The following PARD3B variants were observed in gnomAD, a reference collection of about 807,000 sequenced individuals.
The protein encoded by PARD3B is partitioning defective 3 homolog B.
In PARD3B, 103 loss-of-function variants were observed where a neutral mutation model predicts 130.2. The observed-to-expected ratio is 0.79, with a 90% CI of 0.67 to 0.93. The LOEUF (loss-of-function observed/expected upper bound fraction) is 0.93, where lower values mean the gene tolerates loss of function less well. Ranked by LOEUF, PARD3B falls within the 40% of genes least tolerant of loss-of-function variation. The probability of loss-of-function intolerance (pLI) is 0.00; values close to 1 mark genes in which losing one functional copy is unlikely to be tolerated. For missense variants in PARD3B, 1,609 were observed against 1,499.2 expected (o/e 1.07, Z -1.21); for synonymous variants, 583 against 553.2 (o/e 1.05, Z -0.76).
At position 205,011,917 on chromosome 2, in the gene PARD3B, G is replaced by A. The variant is rs998456494; in HGVS notation, c.395-35664G>A. On this transcript the variant is annotated intron_variant, in intron 3 of 22. Coordinates refer to ENST00000406610, the MANE Select transcript of PARD3B (RefSeq NM_001302769.2). The surrounding 1 kb of genome is among the most constrained non-coding windows in gnomAD (Gnocchi z 4.1). ...TCTGATTTGTACAAGGAGGAGAGAA[G>A]AGAATGGGCAGTCTCTGGAGCACAG... 2.0e-4 allele frequency among the ~76,000 whole-genome samples: 31 copies of A among 152,076 alleles called. No homozygotes were observed. The highest frequency in any genetic ancestry group is 7.2e-4 in the African/African-American group (30 of 41,396).
At chr2:205,231,570 C>T (rs770669995) in intron 15 of PARD3B, among the ~76,000 whole-genome samples, 20 of 150,758 alleles carry the variant, frequency 1.3e-4, no homozygotes, top group African/African-American at 4.6e-4. Flanking sequence ...CTTCTGGACT[C>T]AAGTGATCCA....
At chr2:204,804,449 C>G (rs563757167) in intron 2 of PARD3B, among the ~76,000 whole-genome samples, 132 of 152,184 alleles carry the variant, frequency 8.7e-4, no homozygotes, top group African/African-American at 2.9e-3. Context: ...GAGGATATCA[C>G]AGTTGTAAAT....
chr2:205,025,475 T>C (rs1696946208), intron 3 of PARD3B, among the ~76,000 whole-genome samples: 1 of 152,204 alleles, frequency 6.6e-6, no homozygotes, highest in Non-Finnish European at 1.5e-5. Flanking sequence ...TCTCTCACAG[T>C]GAGTCCCAAT....
At chr2:204,749,350 A>G (rs1398444798) in intron 2 of PARD3B, among the ~76,000 whole-genome samples, 3 of 152,164 alleles carry the variant, frequency 2.0e-5, no homozygotes, top group African/African-American at 7.2e-5. Context: ...GGTGTATTGT[A>G]ACAACACTCT....
intron 1 of PARD3B, among the ~76,000 whole-genome samples, chr2:204,647,495 C>T (rs1193541595): frequency 6.6e-6 from 1 of 151,298 alleles, no homozygotes. Flanking sequence ...TTCATTATTT[C>T]TAATTCACTG....
chr2:204,640,959 G>A (rs2035056534), intron 1 of PARD3B, among the ~76,000 whole-genome samples: 1 of 146,960 alleles, frequency 6.8e-6, no homozygotes, highest in Admixed American at 6.8e-5. Context: ...TATATTTACT[G>A]TATATATAAT....
At chr2:204,952,362 A>G (rs993711536) in intron 2 of PARD3B, among the ~76,000 whole-genome samples, 1 of 152,210 alleles carries the variant, frequency 6.6e-6, no homozygotes, top group Non-Finnish European at 1.5e-5. Flanking sequence ...TTAAGGGACT[A>G]TCAAAGTAGT....
intron 4 of PARD3B, among the ~76,000 whole-genome samples, chr2:205,057,285 A>G (rs1215080609): frequency 2.7e-5 from 4 of 149,376 alleles, no homozygotes; most frequent in South Asian, 2.1e-4. Flanking sequence ...TTATATACAT[A>G]TACATATATA....
intron 2 of PARD3B, among the ~76,000 whole-genome samples, chr2:204,848,401 T>G (rs78950601): frequency 1.4e-3 from 215 of 152,280 alleles, no homozygotes; most frequent in Middle Eastern, 6.8e-3. Context: ...CTGCACTGTT[T>G]TCTGGCTTCC....
intron 3 of PARD3B, among the ~76,000 whole-genome samples, chr2:205,042,376 C>T (rs1162190001): frequency 2.0e-5 from 3 of 152,162 alleles, no homozygotes; most frequent in East Asian, 3.9e-4. Context: ...CCTGACAAAT[C>T]TTGCCATCTT....
At chr2:205,367,212 A>G (rs188551989) in intron 18 of PARD3B, among the ~76,000 whole-genome samples, 4 of 152,324 alleles carry the variant, frequency 2.6e-5, no homozygotes, top group East Asian at 1.9e-4. Context: ...AGGACATACA[A>G]TCTCCAAAAT....
chr2:204,563,273 C>CTCTCTCTT (rs2031462774), intron 1 of PARD3B, among the ~76,000 whole-genome samples: 1 of 139,332 alleles, frequency 7.2e-6, no homozygotes, highest in African/African-American at 2.7e-5. Context: ...CTCTTTCTCT[C>CTCTCTCTT]TTCTCCCTTT....
chr2:205,610,183 C>T (rs1005466611), intron 22 of PARD3B, among the ~76,000 whole-genome samples: 1 of 152,106 alleles, frequency 6.6e-6, no homozygotes, highest in Non-Finnish European at 1.5e-5. Context: ...TCATCCATCA[C>T]GTCTGTTCTC....
At chr2:204,595,724 C>T (rs1482277999) in intron 1 of PARD3B, among the ~76,000 whole-genome samples, 2 of 152,198 alleles carry the variant, frequency 1.3e-5, no homozygotes, top group African/African-American at 4.8e-5. Flanking sequence ...TTTTGTAAAG[C>T]TGCATGTATA....
chr2:204,651,506 G>A (rs748752150), intron 1 of PARD3B, among the ~76,000 whole-genome samples: 4 of 152,260 alleles, frequency 2.6e-5, no homozygotes, highest in Non-Finnish European at 4.4e-5. Flanking sequence ...CTCTGCCCCT[G>A]TGGCTCTGCA....
At chr2:204,657,858 A>AT (rs2035688271) in intron 1 of PARD3B, among the ~76,000 whole-genome samples, 1 of 152,160 alleles carries the variant, frequency 6.6e-6, no homozygotes, top group South Asian at 2.1e-4. Flanking sequence ...GAAACTTGAG[A>AT]TTTTCAAAAT....
intron 18 of PARD3B, among the ~76,000 whole-genome samples, chr2:205,380,772 A>C (rs1274426493): frequency 5.8e-5 from 6 of 104,154 alleles, no homozygotes; most frequent in African/African-American, 2.4e-4. Context: ...AATATATATA[A>C]TATATAAAGA....
intron 3 of PARD3B, among the ~76,000 whole-genome samples, chr2:204,975,437 C>A (rs1692063061): frequency 6.6e-6 from 1 of 152,186 alleles, no homozygotes; most frequent in African/African-American, 2.4e-5. Context: ...ATGCATCCAT[C>A]CATCCATCCT....
chr2:205,149,117 A>G (rs1026689277), intron 10 of PARD3B, among the ~76,000 whole-genome samples: 1 of 152,172 alleles, frequency 6.6e-6, no homozygotes, highest in African/African-American at 2.4e-5. Flanking sequence ...TCTTAAGGTA[A>G]TAGTATGGAT....
Sources: gnomAD v4.1 joint callset for allele counts (sites outside exome capture counted in the v4.1 genomes callset) on GRCh38, gnomAD v4.1.1 for gene constraint, Gnocchi (gnomAD v3.1) non-coding constraint, MANE v1.5 for transcripts, NCBI Gene and HGNC (gene_info 2026-07-23, HGNC 2026-07-21) for gene names.